CCBE1: variants seen among roughly 807,000 people sequenced by gnomAD.
CCBE1 encodes the protein collagen and calcium-binding EGF domain-containing protein 1.
A neutral mutation model predicts 50.0 loss-of-function variants in CCBE1; 37 were observed. The observed-to-expected ratio is 0.74, with a 90% CI of 0.57 to 0.97. The LOEUF (loss-of-function observed/expected upper bound fraction) is 0.97. CCBE1 is among the 50% of genes least tolerant of loss of function. The pLI is 0.00. For missense variants in CCBE1, 538 were observed against 523.8 expected (o/e 1.03, Z -0.26); for synonymous variants, 234 against 203.7 (o/e 1.15, Z -1.27).
chr18:59,585,316 C>G (rs1284259095), intron 2 of CCBE1, among the ~76,000 whole-genome samples: 8 of 152,106 alleles, frequency 5.3e-5, no homozygotes, highest in Admixed American at 4.6e-4. Context: ...TCAATGCTAT[C>G]TGAAATCACA....
Position 59,436,003 on chromosome 18 carries a change from T to C in CCBE1, c.1126A>G (p.Ser376Gly), listed in dbSNP as rs983124374. The change falls in exon 11 of 11, where the codon AGC becomes GGC. Residue 376 changes from serine to glycine, a missense_variant. Transcript: ENST00000439986. ...EEFPLPQEFPSYPEAMDLGSG... is the reference protein window; with the variant it reads ...EEFPLPQEFPGYPEAMDLGSG... ...CCCAGGTCCATGGCTTCTGGGTAGC[T>C]GGGAAATTCCTGAGGTAAAGGGAAC... 2.5e-6 allele frequency: 4 copies of C among 1,614,192 alleles called. No homozygotes were observed. Among genetic ancestry groups the C allele is most frequent in the East Asian group, 2.2e-5 (1 of 44,876 alleles).
intron 2 of CCBE1, among the ~76,000 whole-genome samples, chr18:59,604,043 A>G (rs1292899503): frequency 6.6e-6 from 1 of 152,232 alleles, no homozygotes; most frequent in Non-Finnish European, 1.5e-5. Flanking sequence ...AGAAGTTGGA[A>G]AAGGTATCTG....
chr18:59,523,595 T>C (rs1301738935), intron 2 of CCBE1, among the ~76,000 whole-genome samples: 1 of 152,186 alleles, frequency 6.6e-6, no homozygotes, highest in Non-Finnish European at 1.5e-5. Context: ...CTATAAAATA[T>C]AAATTGTAAT....
At chr18:59,567,410 A>T (rs1345148023) in intron 2 of CCBE1, among the ~76,000 whole-genome samples, 1 of 152,252 alleles carries the variant, frequency 6.6e-6, no homozygotes, top group Non-Finnish European at 1.5e-5. Flanking sequence ...TTGGGATTAC[A>T]GGCGTGAGCC....
intron 5 of CCBE1, among the ~76,000 whole-genome samples, chr18:59,463,468 C>G (rs1911589642): frequency 1.3e-5 from 2 of 152,204 alleles, no homozygotes; most frequent in East Asian, 3.8e-4. Context: ...GGCTTGCTGC[C>G]TTGGGGACTG....
intron 2 of CCBE1, among the ~76,000 whole-genome samples, chr18:59,521,350 G>A (rs1014571347): frequency 3.3e-5 from 5 of 152,214 alleles, no homozygotes; most frequent in African/African-American, 1.2e-4. Context: ...CTTGGTTGTG[G>A]TGACAATAAA....
At chr18:59,506,198 G>A (rs537089370) in intron 2 of CCBE1, among the ~76,000 whole-genome samples, 9 of 152,282 alleles carry the variant, frequency 5.9e-5, no homozygotes, top group South Asian at 2.1e-4. Flanking sequence ...AGGTGGTCAC[G>A]TAAAGATGGA....
chr18:59,668,442 T>TAATAA (rs2054386085), intron 2 of CCBE1, among the ~76,000 whole-genome samples: 1 of 151,646 alleles, frequency 6.6e-6, no homozygotes. Context: ...ATAATAATAA[T>TAATAA]TAGGTGTTAC....
intron 2 of CCBE1, among the ~76,000 whole-genome samples, chr18:59,560,245 G>A (rs2052714575): frequency 6.6e-6 from 1 of 152,220 alleles, no homozygotes; most frequent in Non-Finnish European, 1.5e-5. Flanking sequence ...TGCAGTGCAT[G>A]GGTATGCCCA....
chr18:59,686,971 G>A (rs1316641404), intron 2 of CCBE1, among the ~76,000 whole-genome samples: 2 of 137,364 alleles, frequency 1.5e-5, no homozygotes, highest in African/African-American at 2.6e-5. Flanking sequence ...TGCCTCTAAA[G>A]GGCATTATCG....
intron 7 of CCBE1, 127 bp downstream of exon 7, chr18:59,447,856 C>T: frequency 7.0e-7 from 1 of 1,431,658 alleles, no homozygotes; most frequent in Non-Finnish European, 9.7e-7. Context: ...TGTGGCAGTC[C>T]CATGGACACC....
chr18:59,519,614 T>C (rs1914514098), intron 2 of CCBE1, among the ~76,000 whole-genome samples: 1 of 152,256 alleles, frequency 6.6e-6, no homozygotes, highest in Non-Finnish European at 1.5e-5. Context: ...TCTCTCATTT[T>C]GTAGGTTGCC....
At chr18:59,568,455 C>T (rs2052861673) in intron 2 of CCBE1, 3 of 152,168 alleles carry the variant, frequency 2.0e-5, no homozygotes, top group African/African-American at 4.8e-5. Flanking sequence ...GCACCTTTTT[C>T]TATGTGGCCT....
chr18:59,563,122 C>G (rs2052767013), intron 2 of CCBE1, among the ~76,000 whole-genome samples: 1 of 152,224 alleles, frequency 6.6e-6, no homozygotes, highest in African/African-American at 2.4e-5. Context: ...GGTGGGTGAG[C>G]TGCCCAGAAC....
intron 2 of CCBE1, among the ~76,000 whole-genome samples, chr18:59,692,694 G>A (rs7232583): frequency 0.04 from 6,098 of 152,214 alleles, 251 homozygotes; most frequent in African/African-American, 0.1. Flanking sequence ...CAACACAGTT[G>A]TATTATCTCA....
intron 9 of CCBE1, 83 bp from the exon 10 acceptor site, chr18:59,438,229 C>T (rs547608176): frequency 4.3e-6 from 5 of 1,157,516 alleles, no homozygotes; most frequent in East Asian, 2.4e-5. Context: ...CCACCATAAC[C>T]ACTTCCCTGC....
At position 59,612,815 on chromosome 18, in the gene CCBE1, G is replaced by GTTT. The variant is rs796066639; in HGVS notation, c.212+83811_212+83813dup. 1.1e-4 allele frequency among the ~76,000 whole-genome samples: 13 copies of GTTT among 114,970 alleles called. 1 individual carries two copies. Among genetic ancestry groups the GTTT allele is most frequent in the African/African-American group, 3.1e-4 (10 of 32,186 alleles). 75.4% of individuals were successfully genotyped at this position (114,970 alleles called of 152,430 possible). ...GAAAAGAACTCAGCCAATCTCAAGG[G>GTTT]TTTTTTTTTTGTTTTTTTTTGTTTT... On this transcript the variant is annotated intron_variant, in intron 2 of 10. Transcript: ENST00000439986.
At chr18:59,693,003 C>CACACACAAAAAA (rs1278264661) in intron 2 of CCBE1, among the ~76,000 whole-genome samples, 1 of 145,970 alleles carries the variant, frequency 6.9e-6, no homozygotes, top group African/African-American at 2.6e-5. Context: ...CACACACACA[C>CACACACAAAAAA]AAACAAAAAA....
chr18:59,679,930 G>T (rs2054562621), intron 2 of CCBE1, among the ~76,000 whole-genome samples: 1 of 152,160 alleles, frequency 6.6e-6, no homozygotes, highest in Non-Finnish European at 1.5e-5. Flanking sequence ...ACATTCCAAA[G>T]GAGGCAATCA....
Sources: allele counts gnomAD v4.1 joint callset (sites outside exome capture counted in the v4.1 genomes callset), GRCh38; gene constraint gnomAD v4.1.1; transcripts MANE v1.5; gene names NCBI Gene and HGNC (gene_info 2026-07-23, HGNC 2026-07-21).